The following SLC24A2 variants were observed in gnomAD, a reference collection of about 807,000 sequenced individuals.
SLC24A2 encodes the protein solute carrier family 24 member 2.
A neutral mutation model predicts 62.0 loss-of-function variants in SLC24A2; 36 were observed. The observed-to-expected ratio is 0.58, with a 90% CI of 0.44 to 0.77. SLC24A2 has a LOEUF of 0.77. Among genes scored for constraint, SLC24A2 ranks in the 30% least tolerant of loss-of-function variants. SLC24A2 has a pLI of 0.00. For missense variants in SLC24A2, 846 were observed against 817.9 expected, an observed-to-expected ratio of 1.03 and a Z score of -0.42; for synonymous variants, 358 against 294.0, an observed-to-expected ratio of 1.22 and a Z score of -2.23.
At chr9:19,757,258 T>A (rs749291972) in intron 2 of SLC24A2, among the ~76,000 whole-genome samples, 9 of 152,156 alleles carry the variant, frequency 5.9e-5, no homozygotes, top group Admixed American at 4.6e-4. Flanking sequence ...GTTGTGTATT[T>A]AACATACTGT....
the SLC24A2 span, among the ~76,000 whole-genome samples, chr9:19,975,869 A>G: frequency 2.0e-5 from 3 of 152,128 alleles, no homozygotes; most frequent in East Asian, 5.8e-4. Flanking sequence ...TATTTAGAAA[A>G]AAAAATAACA....
At chr9:20,069,694 T>C in the SLC24A2 span, among the ~76,000 whole-genome samples, 9 of 152,346 alleles carry the variant, frequency 5.9e-5, no homozygotes, top group South Asian at 1.9e-3. Flanking sequence ...TGCCTTATGA[T>C]CTTCTTTTTA....
At chr9:19,817,504 A>G in the SLC24A2 span, among the ~76,000 whole-genome samples, 2 of 151,620 alleles carry the variant, frequency 1.3e-5, no homozygotes, top group African/African-American at 2.4e-5. Context: ...TTCACTTAAC[A>G]TTTTATGTAT....
chr9:19,887,944 C>G, the SLC24A2 span, among the ~76,000 whole-genome samples: 2 of 152,074 alleles, frequency 1.3e-5, no homozygotes, highest in Non-Finnish European at 2.9e-5. Flanking sequence ...TAAGTGGGAG[C>G]TAAGGTATGA....
In SLC24A2 at chr9:19,641,142, C is replaced by G. The variant is rs183981888; in HGVS notation, c.931-18843G>C. Among the ~76,000 whole-genome samples, 595 of 152,348 alleles carry G rather than the reference C, an allele frequency of 3.9e-3. 2 individuals are homozygous for G. Among genetic ancestry groups the G allele is most frequent in the Middle Eastern group, 0.02 (6 of 294 alleles). ...CATTCAGATGTAAAGATGGTGGCCA[C>G]TTCCCTGTCTGCATATCTACGTGAC... On this transcript the variant is annotated intron_variant, in intron 2 of 10. Coordinates refer to ENST00000341998, the MANE Select transcript of SLC24A2 (RefSeq NM_020344.4).
chr9:19,586,907 T>C (rs1836392629), intron 5 of SLC24A2, among the ~76,000 whole-genome samples: 1 of 152,236 alleles, frequency 6.6e-6, no homozygotes, highest in African/African-American at 2.4e-5. Context: ...TAGAGACTGC[T>C]AGACAGAAGC....
the SLC24A2 span, among the ~76,000 whole-genome samples, chr9:20,230,265 G>T: frequency 5.3e-5 from 8 of 152,074 alleles, no homozygotes; most frequent in Admixed American, 3.3e-4. Flanking sequence ...GGGATGGCTG[G>T]GTCAAATGGT....
chr9:20,180,503 G>C, the SLC24A2 span, among the ~76,000 whole-genome samples: 1 of 152,046 alleles, frequency 6.6e-6, no homozygotes, highest in Admixed American at 6.6e-5. Flanking sequence ...TTTTTCCAAG[G>C]GAAGTTTCAG....
chr9:19,555,421 G>A (rs1432537853), intron 7 of SLC24A2, among the ~76,000 whole-genome samples: 1 of 152,140 alleles, frequency 6.6e-6, no homozygotes, highest in African/African-American at 2.4e-5. Flanking sequence ...TTTGTAACCT[G>A]TACCCAACAA....
chr9:20,098,138 T>C, the SLC24A2 span, among the ~76,000 whole-genome samples: 2 of 152,144 alleles, frequency 1.3e-5, no homozygotes, highest in African/African-American at 2.4e-5. Flanking sequence ...GTAGAGAAGG[T>C]TACTTAGCTA....
chr9:19,818,102 C>G, the SLC24A2 span, among the ~76,000 whole-genome samples: 8 of 152,254 alleles, frequency 5.3e-5, no homozygotes, highest in East Asian at 1.2e-3. Context: ...ATAAGATTAA[C>G]AAGGACTACG....
At chr9:20,048,187 G>C in the SLC24A2 span, among the ~76,000 whole-genome samples, 5 of 152,314 alleles carry the variant, frequency 3.3e-5, no homozygotes, top group East Asian at 9.7e-4. Context: ...AGTACTATGA[G>C]TGTCACTGTT....
At chr9:19,960,104 G>A in the SLC24A2 span, among the ~76,000 whole-genome samples, 3 of 152,180 alleles carry the variant, frequency 2.0e-5, no homozygotes, top group African/African-American at 7.2e-5. Flanking sequence ...GAGGACAGAA[G>A]GAGTGGCTAG....
chr9:20,145,191 C>A, the SLC24A2 span, among the ~76,000 whole-genome samples: 1 of 152,166 alleles, frequency 6.6e-6, no homozygotes. Context: ...AGTATAGGTG[C>A]CCCCAATACT....
intron 7 of SLC24A2, among the ~76,000 whole-genome samples, chr9:19,553,772 T>A (rs1834952872): frequency 6.6e-6 from 1 of 152,258 alleles, no homozygotes; most frequent in African/African-American, 2.4e-5. Flanking sequence ...GGACTCCTGC[T>A]TTCAAGGAGT....
chr9:19,721,227 A>G (rs909293580), intron 2 of SLC24A2, among the ~76,000 whole-genome samples: 3 of 152,096 alleles, frequency 2.0e-5, no homozygotes, highest in Non-Finnish European at 4.4e-5. Flanking sequence ...TAAAAATACA[A>G]CTCACCTGGT....
chr9:19,961,614 G>A, the SLC24A2 span, among the ~76,000 whole-genome samples: 2 of 152,136 alleles, frequency 1.3e-5, no homozygotes, highest in Admixed American at 1.3e-4. Context: ...ATACTTCCTG[G>A]TATTCATGCT....
At chr9:20,107,336 A>G in the SLC24A2 span, among the ~76,000 whole-genome samples, 1 of 151,614 alleles carries the variant, frequency 6.6e-6, no homozygotes, top group Non-Finnish European at 1.5e-5. Flanking sequence ...CAGAATTGGA[A>G]AAAACTACTT....
intron 2 of SLC24A2, among the ~76,000 whole-genome samples, chr9:19,622,850 C>T (rs1321954541): frequency 2.6e-5 from 4 of 152,066 alleles, no homozygotes; most frequent in South Asian, 2.1e-4. Flanking sequence ...GCATTCATTG[C>T]TCCATGTATT....
Sources: gnomAD v4.1 joint callset for allele counts (sites outside exome capture counted in the v4.1 genomes callset) on GRCh38, gnomAD v4.1.1 for gene constraint, MANE v1.5 for transcripts, NCBI Gene and HGNC (gene_info 2026-07-23, HGNC 2026-07-21) for gene names.